PDILT: variants seen among roughly 807,000 people sequenced by gnomAD.
The protein encoded by PDILT is protein disulfide-isomerase-like protein of the testis.
A neutral mutation model predicts 53.7 loss-of-function variants in PDILT; 43 were observed. That is an observed-to-expected ratio of 0.80 (90% CI 0.63 to 1.03). PDILT has a LOEUF of 1.03. Ranked by LOEUF, PDILT falls within the 50% of genes least tolerant of loss-of-function variation. PDILT has a pLI of 0.00. For missense variants in PDILT, 727 were observed against 712.3 expected (o/e 1.02, Z -0.24); for synonymous variants, 282 against 274.2 (o/e 1.03, Z -0.28).
intron 7 of PDILT, among the ~76,000 whole-genome samples, chr16:20,371,735 T>A (rs1225557859): frequency 1.3e-5 from 2 of 151,856 alleles, no homozygotes; most frequent in East Asian, 3.9e-4. Context: ...AAGAAAATAA[T>A]GGCTAAGCAT....
At chr16:20,360,447 C>A in intron 11 of PDILT, 121 bp downstream of exon 11, 1 of 924,208 alleles carries the variant, frequency 1.1e-6, no homozygotes, top group Admixed American at 1.8e-5. Context: ...GATGCTTCTC[C>A]ATCCATCCTC....
At chr16:20,360,689 G>C in intron 10 of PDILT, 32 bp from the exon 11 acceptor site, 1 of 1,503,076 alleles carries the variant, frequency 6.7e-7, no homozygotes. Flanking sequence ...GTCAGGATGG[G>C]ATCCTCTTCC....
Position 20,360,560 on chromosome 16 carries a change from C to T in PDILT, c.1506+8G>A, listed in dbSNP as rs533813054. On this transcript the variant is annotated splice_region_variant and intron_variant, in intron 11 of 11. Transcript: ENST00000302451. Reference sequence around the variant, plus strand: ...AGAATAATTCAGAGTATTTCTGTTGCCCCTTACCTCATCCTCATCCTCAAT... The same window carrying T: ...AGAATAATTCAGAGTATTTCTGTTGTCCCTTACCTCATCCTCATCCTCAAT... 1.9e-6 allele frequency: 3 copies of T among 1,608,016 alleles called. No homozygotes were observed. The highest frequency in any genetic ancestry group is 1.1e-5 in the South Asian group (1 of 90,950).
chr16:20,376,306 G>T, intron 3 of PDILT, 105 bp from the exon 4 acceptor site: 2 of 1,400,292 alleles, frequency 1.4e-6, no homozygotes, highest in Non-Finnish European at 9.6e-7. Context: ...CTTGTCTCAG[G>T]CTCCCACCCC....
chr16:20,398,980 G>C (rs1966695225), intron 2 of PDILT, 119 bp downstream of exon 2: 2 of 1,085,266 alleles, frequency 1.8e-6, no homozygotes, highest in Admixed American at 4.5e-5. Context: ...TTAAATGTCT[G>C]TTTTAAATAA....
chr16:20,360,375 A>T (rs1966081022), intron 11 of PDILT, among the ~76,000 whole-genome samples, 193 bp downstream of exon 11: 2 of 152,150 alleles, frequency 1.3e-5, no homozygotes, highest in African/African-American at 2.4e-5. Flanking sequence ...AAAGTTTGCC[A>T]TTTCTGCTTC....
At chr16:20,386,611 A>C (rs1966542962) in intron 2 of PDILT, among the ~76,000 whole-genome samples, 1 of 152,204 alleles carries the variant, frequency 6.6e-6, no homozygotes, top group South Asian at 2.1e-4. Context: ...CGCTTTCATT[A>C]AACTCCCGGT....
rs113021056 is a variant in PDILT at position 20,385,437 on chromosome 16, GGTATAATGCCTGGCACAA to G, written c.203-604_203-587del. Among the ~76,000 whole-genome samples the G allele has an allele frequency of 1.5e-3, 223 of 152,196 alleles. 2 individuals are homozygous for G. The highest frequency in any genetic ancestry group is 5.1e-3 in the African/African-American group (210 of 41,508). ...TCTCCACTAGGCATGTAAACCACTT[GGTATAATGCCTGGCACAA>G]GTTAAGTACATGCTGCGTTCTTATT... On this transcript the variant is annotated intron_variant, in intron 2 of 11. Coordinates refer to ENST00000302451, the MANE Select transcript of PDILT (RefSeq NM_174924.2).
chr16:20,384,433 C>T (rs930606516), intron 3 of PDILT, among the ~76,000 whole-genome samples: 11 of 152,062 alleles, frequency 7.2e-5, no homozygotes, highest in South Asian at 2.1e-4. Flanking sequence ...GAACAGTACC[C>T]GTGGTGACCT....
chr16:20,403,646 T>A (rs1332702683), intron 1 of PDILT, among the ~76,000 whole-genome samples: 1 of 57,494 alleles, frequency 1.7e-5, no homozygotes, highest in African/African-American at 6.2e-5. Context: ...CAAAAGGTGC[T>A]CACTTTTGTG....
At chr16:20,371,831 G>GA (rs373535210) in intron 7 of PDILT, among the ~76,000 whole-genome samples, 53 of 149,250 alleles carry the variant, frequency 3.6e-4, no homozygotes, top group South Asian at 8.6e-4. Context: ...AGTAAAATTG[G>GA]AAAAAAAAAG....
At position 20,383,199 on chromosome 16, in the gene PDILT, G is replaced by A. The variant is rs530959656; in HGVS notation, c.409+1446C>T. ...GAAGTTGCCATATTGTTACTTTGTC[G>A]CCTCTAAGTGGAGTCAGTTCTCTCC... is the stretch of plus-strand genomic sequence containing the variant. On this transcript the variant is annotated intron_variant, in intron 3 of 11. Coordinates refer to ENST00000302451, the MANE Select transcript of PDILT (RefSeq NM_174924.2). Among the ~76,000 whole-genome samples, 77 of 152,202 alleles carry A rather than the reference G, an allele frequency of 5.1e-4. No individual in the cohort carries two copies. The East Asian group carries it at 0.013, about 25-fold the overall frequency.
At chr16:20,401,232 G>T (rs1966736468) in intron 1 of PDILT, among the ~76,000 whole-genome samples, 1 of 152,212 alleles carries the variant, frequency 6.6e-6, no homozygotes, top group Non-Finnish European at 1.5e-5. Flanking sequence ...GAATTCACCA[G>T]GTGTTATGCC....
At chr16:20,402,050 C>G (rs189754182) in intron 1 of PDILT, among the ~76,000 whole-genome samples, 1 of 152,242 alleles carries the variant, frequency 6.6e-6, no homozygotes, top group African/African-American at 2.4e-5. Context: ...ACGGAGCCAG[C>G]CACAGCTCCT....
In PDILT at chr16:20,389,063, A is replaced by C. The variant is rs1029220819; in HGVS notation, c.203-4212T>G. 2.6e-5 allele frequency among the ~76,000 whole-genome samples: 4 copies of C among 152,164 alleles called. No homozygotes were observed. The South Asian group carries it at 6.2e-4, about 24-fold the overall frequency. ...ACTGGAAATGCCAGTTTGGCCAGGTATGGAGACAATTCACGTGTATATTGG... is the reference window on the plus strand; with the variant it reads ...ACTGGAAATGCCAGTTTGGCCAGGTCTGGAGACAATTCACGTGTATATTGG... On this transcript the variant is annotated intron_variant, in intron 2 of 11. Transcript: ENST00000302451.
At chr16:20,401,707 C>T (rs987954000) in intron 1 of PDILT, among the ~76,000 whole-genome samples, 15 of 152,220 alleles carry the variant, frequency 9.9e-5, no homozygotes, top group African/African-American at 3.1e-4. Context: ...GTCAGCTGGA[C>T]ACCTTCAGGG....
intron 3 of PDILT, among the ~76,000 whole-genome samples, chr16:20,380,353 T>G (rs575899499): frequency 6.6e-6 from 1 of 152,338 alleles, no homozygotes; most frequent in East Asian, 1.9e-4. Context: ...TTTTCTTTTT[T>G]TTGAGATGGA....
At position 20,365,439 on chromosome 16, in the gene PDILT, C is replaced by T; in HGVS notation, c.1218G>A (p.Lys406=). ...ACTTACAGAACATCACAAATACGTC[C>T]TTTTCTTTGTCAAAGACGACTACGT... The part of the protein sequence containing the change: ...NFNVVVFDKE[K]DVFVMFYAPW... Residue 406 remains lysine, a synonymous_variant, in exon 9 of 12, where the codon AAG becomes AAA. Coordinates refer to ENST00000302451, the MANE Select transcript of PDILT (RefSeq NM_174924.2). The T allele has an allele frequency of 1.2e-6, 2 of 1,613,948 alleles. No individual in the cohort carries two copies. Among genetic ancestry groups the T allele is most frequent in the Non-Finnish European group, 1.7e-6 (2 of 1,179,830 alleles).
intron 9 of PDILT, among the ~76,000 whole-genome samples, chr16:20,363,714 A>G (rs1966146559): frequency 6.6e-6 from 1 of 152,174 alleles, no homozygotes; most frequent in Non-Finnish European, 1.5e-5. Context: ...TGTCATTTAT[A>G]GGTAATTACA....
Sources: gnomAD v4.1 joint callset for allele counts (sites outside exome capture counted in the v4.1 genomes callset) on GRCh38, gnomAD v4.1.1 for gene constraint, MANE v1.5 for transcripts, NCBI Gene and HGNC (gene_info 2026-07-23, HGNC 2026-07-21) for gene names.